Variants in IRAG1 observed in about 807,000 individuals in gnomAD.
The protein encoded by IRAG1 is inositol 1,4,5-triphosphate receptor associated 1, also known as IP3R-associated cGMP kinase substrate.
Under a neutral mutation model 106.2 loss-of-function variants are expected in IRAG1, and 62 were observed. The ratio of observed to expected loss-of-function variants is 0.58; its 90% CI spans 0.48 to 0.72. IRAG1 has a LOEUF of 0.72. Ranked by LOEUF, IRAG1 falls within the 30% of genes least tolerant of loss-of-function variation. The pLI is 0.00. For missense variants in IRAG1, 1,064 were observed against 1,140.7 expected, an observed-to-expected ratio of 0.93 and a Z score of 0.97; for synonymous variants, 462 against 443.9, an observed-to-expected ratio of 1.04 and a Z score of -0.51.
intron 1 of IRAG1, among the ~76,000 whole-genome samples, chr11:10,655,148 T>C (rs1344675083): frequency 1.3e-5 from 2 of 152,200 alleles, no homozygotes; most frequent in African/African-American, 4.8e-5. Context: ...TAAAATTATG[T>C]GTGACGTATG....
At chr11:10,634,109 G>T in intron 2 of IRAG1, 38 bp from the exon 3 acceptor site, 1 of 1,367,056 alleles carries the variant, frequency 7.3e-7, no homozygotes. Flanking sequence ...TTAGGCTTGG[G>T]CTGGTGGGAC....
intron 2 of IRAG1, among the ~76,000 whole-genome samples, chr11:10,642,987 C>G (rs1372398665): frequency 6.6e-6 from 1 of 151,986 alleles, no homozygotes; most frequent in Non-Finnish European, 1.5e-5. Flanking sequence ...TTGGCTAACA[C>G]AGTGAAACCC....
intron 1 of IRAG1, among the ~76,000 whole-genome samples, chr11:10,677,465 T>G (rs904090690): frequency 3.9e-5 from 6 of 152,120 alleles, no homozygotes; most frequent in African/African-American, 1.4e-4. Context: ...CTCTAGACCC[T>G]CCCTGAATTT....
chr11:10,582,009 G>A (rs1293109351), intron 18 of IRAG1, 23 bp from the exon 19 acceptor site: 1 of 1,594,154 alleles, frequency 6.3e-7, no homozygotes, highest in East Asian at 2.2e-5. Flanking sequence ...GGGAAGTACA[G>A]GGCATCATTT....
chr11:10,646,650 G>A (rs373618882), intron 2 of IRAG1, among the ~76,000 whole-genome samples: 36 of 152,256 alleles, frequency 2.4e-4, no homozygotes, highest in African/African-American at 8.4e-4. Flanking sequence ...GAGGGGAGGG[G>A]TGCAGATGCC....
rs765126945 is a variant in IRAG1, at chr11:10,628,121, G to A, written c.653-96C>T. 12 of 1,338,186 alleles carry A rather than the reference G, an allele frequency of 9.0e-6. No homozygotes were observed. In the Middle Eastern group the frequency reaches 1.2e-3, roughly 139 times the overall value. The allele number at this position is 1,338,186 out of a possible 1,614,324, so 82.9% of individuals were successfully genotyped here. A position where few individuals can be genotyped will look rare whatever the true frequency, so the allele number is the denominator to read the frequency against. On this transcript the variant is annotated intron_variant, in intron 6 of 20. Coordinates refer to ENST00000423302, the MANE Select transcript of IRAG1 (RefSeq NM_130385.4). The surrounding 1 kb of genome is among the most constrained non-coding windows in gnomAD (Gnocchi z 4.1). Reference sequence around the variant, plus strand: ...TCCCTCCCCGGGCTATCCTCCCTTTGCAATCTCAGGCCTGGAAGATTTGCT... The same window carrying A: ...TCCCTCCCCGGGCTATCCTCCCTTTACAATCTCAGGCCTGGAAGATTTGCT...
At chr11:10,604,940 G>A (rs978595365) in intron 12 of IRAG1, among the ~76,000 whole-genome samples, 1 of 152,208 alleles carries the variant, frequency 6.6e-6, no homozygotes, top group African/African-American at 2.4e-5. Context: ...TGGAGATTTT[G>A]CAGGAAAATA....
intron 1 of IRAG1, chr11:10,687,875 T>G (rs1861778338): frequency 8.9e-7 from 1 of 1,122,752 alleles, no homozygotes; most frequent in Non-Finnish European, 1.2e-6. Context: ...TTGCTTTTTT[T>G]TGGGGGGGGG....
chr11:10,605,535 T>TA (rs1312370888), intron 12 of IRAG1, among the ~76,000 whole-genome samples: 1 of 152,234 alleles, frequency 6.6e-6, no homozygotes, highest in Non-Finnish European at 1.5e-5. Flanking sequence ...TGGGAACTGT[T>TA]ATACCTGTTT....
At chr11:10,582,226 C>T (rs953753316) in intron 18 of IRAG1, among the ~76,000 whole-genome samples, 1 of 152,192 alleles carries the variant, frequency 6.6e-6, no homozygotes. Flanking sequence ...TGCTCCCAAA[C>T]TGGCGTTTAT....
rs368731178 is a variant in IRAG1, at chr11:10,679,264, C to A, written c.67+14272G>T. On this transcript the variant is annotated intron_variant, in intron 1 of 20. Transcript: ENST00000423302. ...ACGATTCAGTGGCATTAGGTACATT[C>A]GCAATGTTGTGCACCTACCACCCTT... Among the ~76,000 whole-genome samples, 16 of 152,314 alleles carry A rather than the reference C, an allele frequency of 1.1e-4. No individual in the cohort carries two copies. In the South Asian group the frequency reaches 2.5e-3, roughly 24 times the overall value.
At chr11:10,592,363 ATC>A (rs1433073098) in intron 17 of IRAG1, among the ~76,000 whole-genome samples, 1 of 152,246 alleles carries the variant, frequency 6.6e-6, no homozygotes, top group African/African-American at 2.4e-5. Flanking sequence ...TGGGAAATAG[ATC>A]TGTTAAAATA....
At chr11:10,616,748 T>C (rs1855464270) in intron 10 of IRAG1, among the ~76,000 whole-genome samples, 1 of 152,216 alleles carries the variant, frequency 6.6e-6, no homozygotes, top group South Asian at 2.1e-4. Flanking sequence ...TTTCCCTTCC[T>C]CCTTCTGTAT....
Position 10,616,386 on chromosome 11 carries a change from G to A in IRAG1, c.1448-6535C>T, listed in dbSNP as rs376419116. 2.5e-4 allele frequency among the ~76,000 whole-genome samples: 38 copies of A among 152,068 alleles called. No individual in the cohort carries two copies. The South Asian group carries it at 3.7e-3, about 15-fold the overall frequency. On this transcript the variant is annotated intron_variant, in intron 10 of 20. Transcript: ENST00000423302. ...GAAGTTACACTAAAACATAGTGACA[G>A]TGGTTGCCTCTGCTACTGGGGGACA...
Position 10,612,024 on chromosome 11 carries a change from C to T in IRAG1, c.1448-2173G>A, listed in dbSNP as rs537044451. 5.3e-5 allele frequency among the ~76,000 whole-genome samples: 8 copies of T among 152,264 alleles called. No individual in the cohort carries two copies. In the East Asian group the frequency reaches 1.5e-3, roughly 29 times the overall value. ...TTCTTGAATGATATGAAGGGATTTA[C>T]AAGGAAGGAAGACTAACGGTAAAGT... On this transcript the variant is annotated intron_variant, in intron 10 of 20. Coordinates refer to ENST00000423302, the MANE Select transcript of IRAG1 (RefSeq NM_130385.4).
intron 1 of IRAG1, among the ~76,000 whole-genome samples, chr11:10,686,703 T>C (rs945491242): frequency 3.3e-5 from 5 of 152,094 alleles, no homozygotes; most frequent in Non-Finnish European, 7.4e-5. Flanking sequence ...TGGAAAGAGA[T>C]GGGGCTTGGT....
chr11:10,590,336 G>A (rs1006871523), intron 18 of IRAG1, among the ~76,000 whole-genome samples: 1 of 152,144 alleles, frequency 6.6e-6, no homozygotes, highest in Non-Finnish European at 1.5e-5. Context: ...AGCTTATGGG[G>A]GTGAGGTGGC....
intron 4 of IRAG1, 98 bp from the exon 5 acceptor site, chr11:10,629,809 A>G: frequency 7.7e-7 from 1 of 1,296,574 alleles, no homozygotes; most frequent in Non-Finnish European, 1.0e-6. Flanking sequence ...CTCTGCCCAC[A>G]GCTGACCCAG....
intron 2 of IRAG1, among the ~76,000 whole-genome samples, chr11:10,651,245 C>A (rs1026778163): frequency 6.6e-6 from 1 of 152,172 alleles, no homozygotes; most frequent in Admixed American, 6.5e-5. Context: ...CAAATAGGTT[C>A]TTCAAAAGGG....
Sources: allele counts gnomAD v4.1 joint callset (sites outside exome capture counted in the v4.1 genomes callset), GRCh38; gene constraint gnomAD v4.1.1; non-coding constraint Gnocchi (gnomAD v3.1); transcripts MANE v1.5; gene names NCBI Gene and HGNC (gene_info 2026-07-23, HGNC 2026-07-21).